The following FBXO22 variants were observed in gnomAD, a reference collection of about 807,000 sequenced individuals.
The protein encoded by FBXO22 is F-box only protein 22.
In FBXO22, 13 loss-of-function variants were observed where a neutral mutation model predicts 37.2. The ratio of observed to expected loss-of-function variants is 0.35; its 90% confidence interval spans 0.23 to 0.56. FBXO22 has a LOEUF of 0.56. FBXO22 is among the 20% of genes least tolerant of loss of function. The pLI, the probability that FBXO22 is intolerant of heterozygous loss-of-function variation, is 0.87. For synonymous variants in FBXO22, 189 were observed against 189.1 expected, an observed-to-expected ratio of 1.00 and a Z score of 0.00; for missense variants, 446 against 509.9, an observed-to-expected ratio of 0.87 and a Z score of 1.21.
rs776925520 is a variant in FBXO22 at position 75,932,667 on chromosome 15, CT to C, written c.795-14del. 3.9e-6 allele frequency: 6 copies of C among 1,554,536 alleles called. No individual in the cohort carries two copies. In the African/African-American group the frequency reaches 6.9e-5, roughly 18 times the overall value. Reference sequence around the variant, plus strand: ...TTTAATGTTTCATGAGATATTGCCACTTTTCTAAATTTTCCAGGAACCCTCT... The same window carrying C: ...TTTAATGTTTCATGAGATATTGCCACTTTCTAAATTTTCCAGGAACCCTCT... On this transcript the variant is annotated splice_polypyrimidine_tract_variant and intron_variant, in intron 6 of 6. Coordinates refer to ENST00000308275, the MANE Select transcript of FBXO22 (RefSeq NM_147188.3).
intron 5 of FBXO22, among the ~76,000 whole-genome samples, chr15:75,924,219 T>C (rs745627485): frequency 2.6e-5 from 4 of 152,106 alleles, no homozygotes; most frequent in Non-Finnish European, 5.9e-5. Context: ...TTCAGTGATT[T>C]GAGGAGGAGG....
chr15:75,904,009 G>C lies in FBXO22; in HGVS notation c.46G>C (p.Asp16His). The C allele has an allele frequency of 6.3e-7, 1 of 1,580,626 alleles. No homozygotes were observed. The highest frequency in any genetic ancestry group is 2.3e-5 in the East Asian group (1 of 43,434). The change falls in exon 1 of 7, where the codon GAC (aspartate) becomes CAC (histidine). Residue 16 changes from aspartate to histidine, a missense_variant. Around this residue, in one of 2 missense-constraint regions of FBXO22, gnomAD observed 131 missense variants for 99.8 expected, o/e 1.31. Coordinates refer to ENST00000308275, the MANE Select transcript of FBXO22 (RefSeq NM_147188.3). ...CGGCGAGTGCCGCGGCTCCTCCGTAGACCCGCGGAGCACCTTCGTGTTGAG... is the reference window on the plus strand; with the variant it reads ...CGGCGAGTGCCGCGGCTCCTCCGTACACCCGCGGAGCACCTTCGTGTTGAG... ...CCGECRGSSV[D>H]PRSTFVLSNL...
rs541597972 is a variant in FBXO22, at chr15:75,923,623, T to C, written c.628+6229T>C. On this transcript the variant is annotated intron_variant, in intron 5 of 6. Coordinates refer to ENST00000308275, the MANE Select transcript of FBXO22 (RefSeq NM_147188.3). ...GATAGATCTTTTCAAAATAACACTCTTGCTATGATGTGGTGATCATTTTGG... is the reference window on the plus strand; with the variant it reads ...GATAGATCTTTTCAAAATAACACTCCTGCTATGATGTGGTGATCATTTTGG... Among the ~76,000 whole-genome samples the C allele has an allele frequency of 2.0e-5, 3 of 152,320 alleles. 1 individual carries two copies. The South Asian group carries it at 6.2e-4, about 32-fold the overall frequency.
chr15:75,903,921 C>T lies in FBXO22; in HGVS notation c.-43C>T. On this transcript the variant is annotated 5_prime_UTR_variant, in exon 1 of 7. Transcript: ENST00000308275. ...AACCCTATGCTGGCGTAATCGGGTTCCTCCGAGCCGCCGTAGGACTGGTTC... is the reference window on the plus strand; with the variant it reads ...AACCCTATGCTGGCGTAATCGGGTTTCTCCGAGCCGCCGTAGGACTGGTTC... The T allele has an allele frequency of 6.8e-7, 1 of 1,466,484 alleles. No individual in the cohort carries two copies. The highest frequency in any genetic ancestry group is 9.1e-7 in the Non-Finnish European group (1 of 1,103,942). The allele number at this position is 1,466,484 out of a possible 1,614,324, so 90.8% of individuals were successfully genotyped here.
At chr15:75,928,509 A>G (rs1246522286) in intron 5 of FBXO22, among the ~76,000 whole-genome samples, 1 of 152,196 alleles carries the variant, frequency 6.6e-6, no homozygotes, top group Non-Finnish European at 1.5e-5. Context: ...GCATGTTCTC[A>G]TTTATAAGTG....
intron 5 of FBXO22, among the ~76,000 whole-genome samples, chr15:75,926,710 CAT>C (rs1239700487): frequency 6.6e-6 from 1 of 152,086 alleles, no homozygotes; most frequent in Non-Finnish European, 1.5e-5. Flanking sequence ...GTTTTCAATA[CAT>C]GTTTTTAAAG....
At chr15:75,907,479 G>A (rs971703607) in intron 2 of FBXO22, among the ~76,000 whole-genome samples, 5 of 152,044 alleles carry the variant, frequency 3.3e-5, no homozygotes, top group Admixed American at 2.6e-4. Flanking sequence ...CTGCTGGTGA[G>A]ACAAAAACAT....
chr15:75,920,332 G>A (rs1180293063), intron 5 of FBXO22, among the ~76,000 whole-genome samples: 1 of 152,194 alleles, frequency 6.6e-6, no homozygotes, highest in African/African-American at 2.4e-5. Flanking sequence ...TTTGTGTGTT[G>A]CCTGGCAGTC....
rs768954612 is a variant in FBXO22, at chr15:75,917,215, T to G, written c.464-15T>G. 2 of 1,598,054 alleles carry G rather than the reference T, an allele frequency of 1.3e-6. No individual in the cohort carries two copies. Among genetic ancestry groups the G allele is most frequent in the South Asian group, 2.3e-5 (2 of 88,276 alleles). ...TACTGACTCTATTGGTGAAACTGTT[T>G]AACTTTTTCTCTAGTGACTCCAATG... On this transcript the variant is annotated splice_polypyrimidine_tract_variant and intron_variant, in intron 4 of 6. Transcript: ENST00000308275.
At chr15:75,909,789 A>T (rs335704) in intron 2 of FBXO22, among the ~76,000 whole-genome samples, 146,596 of 149,750 alleles carry the variant, frequency 0.98, 71,793 homozygotes, top group East Asian at 1. Flanking sequence ...TTTTTTTTTT[A>T]AATTTCTGCG....
At chr15:75,920,658 C>CA (rs894431252) in intron 5 of FBXO22, among the ~76,000 whole-genome samples, 3 of 151,900 alleles carry the variant, frequency 2.0e-5, no homozygotes, top group East Asian at 1.9e-4. Flanking sequence ...CTCACCTCTA[C>CA]AAAAAAACTA....
intron 2 of FBXO22, 64 bp downstream of exon 2, chr15:75,904,693 T>A: frequency 1.5e-6 from 2 of 1,314,852 alleles, no homozygotes; most frequent in Non-Finnish European, 2.0e-6. Flanking sequence ...TTGAGAACTA[T>A]TTTTTTTTAA....
chr15:75,911,725 A>T (rs367582662), intron 2 of FBXO22, among the ~76,000 whole-genome samples: 1 of 151,854 alleles, frequency 6.6e-6, no homozygotes, highest in African/African-American at 2.4e-5. Context: ...GACAATTTGA[A>T]TTCCTCTCTT....
intron 5 of FBXO22, among the ~76,000 whole-genome samples, chr15:75,923,973 G>A (rs1218817578): frequency 6.6e-6 from 1 of 152,148 alleles, no homozygotes; most frequent in African/African-American, 2.4e-5. Flanking sequence ...TGTCATGCGG[G>A]TATGTGGCTA....
chr15:75,933,071 T>G lies in FBXO22; in HGVS notation c.1181T>G (p.Met394Arg). 1 of 1,613,630 alleles carries G rather than the reference T, an allele frequency of 6.2e-7. No individual in the cohort carries two copies. The highest frequency in any genetic ancestry group is 8.5e-7 in the Non-Finnish European group (1 of 1,179,714). ...DDLFHSYTTI[M>R]ALIHLGSSK ...CTGTTTCATAGCTATACAACAATAATGGCACTCATACATCTGGGGTCATCT... is the reference window on the plus strand; with the variant it reads ...CTGTTTCATAGCTATACAACAATAAGGGCACTCATACATCTGGGGTCATCT... The change falls in exon 7 of 7, where the codon ATG (methionine) becomes AGG (arginine). Residue 394 changes from methionine (M) to arginine (R), a missense_variant. Met to Arg is a moderately conservative substitution (Grantham distance 91, BLOSUM62 -1). Around this residue, in one of 2 missense-constraint regions of FBXO22, gnomAD observed 315 missense variants for 410.1 expected, o/e 0.77. Coordinates refer to ENST00000308275, the MANE Select transcript of FBXO22 (RefSeq NM_147188.3).
Position 75,936,581 on chromosome 15 carries a change from CTTTT to C in FBXO22, c.*3488_*3491del, listed in dbSNP as rs991518574. 1 of 146,814 alleles carries C rather than the reference CTTTT, an allele frequency of 6.8e-6. No individual in the cohort carries two copies. Among genetic ancestry groups the C allele is most frequent in the Non-Finnish European group, 1.5e-5 (1 of 66,168 alleles). The allele number at this position is 146,814 out of a possible 1,614,324, so 9.1% of individuals were successfully genotyped here. On this transcript the variant is annotated 3_prime_UTR_variant, in exon 7 of 7. Coordinates refer to ENST00000308275, the MANE Select transcript of FBXO22 (RefSeq NM_147188.3). ...ATCACTTAATATTTTGGTATGGAAA[CTTTT>C]TTTTTTTTGAGAGAGTTTTGCTCTT... is the stretch of plus-strand genomic sequence containing the variant.
rs1054003659 is a variant in FBXO22 at position 75,933,174 on chromosome 15, G to A, written c.*72G>A. Reference sequence around the variant, plus strand: ...TTCAGAAAATGGAAACTTGGGCCATGTGTATTTCAAACAAAAATAACTTTA... The same window carrying A: ...TTCAGAAAATGGAAACTTGGGCCATATGTATTTCAAACAAAAATAACTTTA... On this transcript the variant is annotated 3_prime_UTR_variant, in exon 7 of 7. Coordinates refer to ENST00000308275, the MANE Select transcript of FBXO22 (RefSeq NM_147188.3). The A allele has an allele frequency of 7.6e-7, 1 of 1,316,914 alleles. No individual in the cohort carries two copies. The highest frequency in any genetic ancestry group is 1.0e-6 in the Non-Finnish European group (1 of 958,464). The allele number at this position is 1,316,914 out of a possible 1,614,324, so 81.6% of individuals were successfully genotyped here. A position where few individuals can be genotyped will look rare whatever the true frequency, so the allele number is the denominator to read the frequency against.
rs543312143 is a variant in FBXO22 at position 75,909,927 on chromosome 15, C to G, written c.280-3276C>G. 2.6e-5 allele frequency among the ~76,000 whole-genome samples: 4 copies of G among 152,222 alleles called. No homozygotes were observed. In the South Asian group the frequency reaches 8.3e-4, roughly 32 times the overall value. ...GCTATCCCTTCCCTAATCTCCCACT[C>G]CCTGACAGGCCCTGGTGTGTGATGT... On this transcript the variant is annotated intron_variant, in intron 2 of 6. Coordinates refer to ENST00000308275, the MANE Select transcript of FBXO22 (RefSeq NM_147188.3).
intron 1 of FBXO22, 117 bp from the exon 2 acceptor site, chr15:75,904,374 G>T: frequency 6.8e-7 from 1 of 1,474,840 alleles, no homozygotes; most frequent in East Asian, 2.3e-5. Context: ...CCTACCCCGG[G>T]GACTTTGGAT....
Sources: allele counts gnomAD v4.1 joint callset (sites outside exome capture counted in the v4.1 genomes callset), GRCh38; gene constraint gnomAD v4.1.1; regional missense constraint gnomAD v4.1.1; transcripts MANE v1.5; gene names NCBI Gene and HGNC (gene_info 2026-07-23, HGNC 2026-07-21).